Variants in TAX1BP1 observed in about 807,000 individuals in gnomAD.
The protein encoded by TAX1BP1 is tax1-binding protein 1.
Under a neutral mutation model 97.7 loss-of-function variants are expected in TAX1BP1, and 62 were observed. That is an observed-to-expected ratio of 0.63 (90% confidence interval 0.52 to 0.78). The LOEUF is 0.78. Ranked by LOEUF, TAX1BP1 falls within the 30% of genes least tolerant of loss-of-function variation. TAX1BP1 has a pLI of 0.00. For missense variants in TAX1BP1, 867 were observed against 916.1 expected (o/e 0.95, Z 0.69); for synonymous variants, 340 against 304.2 (o/e 1.12, Z -1.23).
intron 5 of TAX1BP1, among the ~76,000 whole-genome samples, chr7:27,781,004 C>G (rs1024801277): frequency 1.3e-5 from 2 of 151,778 alleles, no homozygotes; most frequent in Non-Finnish European, 2.9e-5. Flanking sequence ...TACTTATTCC[C>G]TAACTCTTTA....
At chr7:27,821,266 A>T (rs978729336) in intron 15 of TAX1BP1, among the ~76,000 whole-genome samples, 1 of 152,224 alleles carries the variant, frequency 6.6e-6, no homozygotes, top group African/African-American at 2.4e-5. Flanking sequence ...AAATGTTATT[A>T]ATGAGTTTAA....
intron 3 of TAX1BP1, among the ~76,000 whole-genome samples, chr7:27,764,992 G>T (rs1214553019): frequency 1.3e-3 from 2 of 1,542 alleles, no homozygotes; most frequent in Middle Eastern, 0.25. Context: ...CTTATAGATT[G>T]TCTGCCTCTC....
intron 2 of TAX1BP1, among the ~76,000 whole-genome samples, chr7:27,751,654 A>G (rs974706079): frequency 6.6e-6 from 1 of 152,046 alleles, no homozygotes; most frequent in Non-Finnish European, 1.5e-5. Flanking sequence ...TGTACTGCAA[A>G]TTGCCCTCTA....
At chr7:27,794,244 A>G in intron 10 of TAX1BP1, 79 bp from the exon 11 acceptor site, 2 of 1,237,624 alleles carry the variant, frequency 1.6e-6, no homozygotes, top group Non-Finnish European at 2.2e-6. Context: ...ATGTAAAAAT[A>G]TTATTTACTT....
intron 5 of TAX1BP1, among the ~76,000 whole-genome samples, chr7:27,781,720 A>AT (rs560696903): frequency 0.017 from 2,469 of 148,456 alleles, 73 homozygotes; most frequent in African/African-American, 0.056. Flanking sequence ...TAATTAATTA[A>AT]TTTTTTTTTT....
chr7:27,786,254 C>G (rs1789476627), intron 7 of TAX1BP1, among the ~76,000 whole-genome samples: 1 of 151,828 alleles, frequency 6.6e-6, no homozygotes, highest in Admixed American at 6.6e-5. Context: ...GCCTCAGCCT[C>G]CCGAGGACCT....
intron 13 of TAX1BP1, among the ~76,000 whole-genome samples, chr7:27,814,834 CA>C (rs1197053801): frequency 6.6e-6 from 1 of 151,968 alleles, no homozygotes; most frequent in East Asian, 1.9e-4. Context: ...CTCCCAGGTT[CA>C]AGCAATTCTT....
At position 27,787,429 on chromosome 7, in the gene TAX1BP1, G is replaced by A. The variant is rs1335111573; in HGVS notation, c.864G>A (p.Lys288=). The change falls in exon 8 of 17, where the codon AAG becomes AAA. Residue 288 remains lysine (K), a synonymous_variant. Transcript: ENST00000396319. ...AAACACCATTACAGGTACATTTGAAGAATACAGAAATAGAAAATACCAAGC... is the reference window on the plus strand; with the variant it reads ...AAACACCATTACAGGTACATTTGAAAAATACAGAAATAGAAAATACCAAGC... ...DEKELYKVHL[K]NTEIENTKLM... The A allele has an allele frequency of 1.2e-6, 2 of 1,605,758 alleles. No individual in the cohort carries two copies. The highest frequency in any genetic ancestry group is 1.7e-6 in the Non-Finnish European group (2 of 1,177,244).
intron 2 of TAX1BP1, among the ~76,000 whole-genome samples, chr7:27,754,157 A>T (rs2128308374): frequency 6.6e-6 from 1 of 152,286 alleles, no homozygotes; most frequent in South Asian, 2.1e-4. Context: ...GCTGTCAAGC[A>T]CATCAAAAAC....
At chr7:27,750,929 G>A (rs1428525883) in intron 2 of TAX1BP1, among the ~76,000 whole-genome samples, 1 of 152,022 alleles carries the variant, frequency 6.6e-6, no homozygotes, top group Non-Finnish European at 1.5e-5. Context: ...TCTAACCTTT[G>A]TTTTTTAACT....
intron 5 of TAX1BP1, chr7:27,772,149 T>C (rs1012863688): frequency 3.3e-5 from 3 of 90,752 alleles, no homozygotes; most frequent in African/African-American, 1.1e-4. Flanking sequence ...CAATGGACTT[T>C]TAGTTTTTTT....
At chr7:27,804,720 T>G (rs1378786955) in intron 13 of TAX1BP1, among the ~76,000 whole-genome samples, 1 of 152,260 alleles carries the variant, frequency 6.6e-6, no homozygotes, top group Non-Finnish European at 1.5e-5. Context: ...TGTGGCATCA[T>G]GTCAGTGCTC....
chr7:27,792,808 C>T (rs942988880), intron 9 of TAX1BP1, among the ~76,000 whole-genome samples: 6 of 151,752 alleles, frequency 4.0e-5, no homozygotes, highest in Non-Finnish European at 7.4e-5. Flanking sequence ...CAAAAATTTT[C>T]AAAAATTACC....
At chr7:27,828,367 T>G (rs1246899395) in intron 16 of TAX1BP1, among the ~76,000 whole-genome samples, 1 of 152,196 alleles carries the variant, frequency 6.6e-6, no homozygotes, top group Admixed American at 6.5e-5. Context: ...TAATTGTGAT[T>G]GGATTTGGGA....
rs559019179 is a variant in TAX1BP1, at chr7:27,774,156, A to T, written c.612+4322A>T. On this transcript the variant is annotated intron_variant, in intron 5 of 16. Coordinates refer to ENST00000396319, the MANE Select transcript of TAX1BP1 (RefSeq NM_006024.7). ...AGTATCATAGGTATGGGAGTGAGAG[A>T]ATGTGCAAGATCTCTTCTCTGGTTA... Among the ~76,000 whole-genome samples, 12 of 152,226 alleles carry T rather than the reference A, an allele frequency of 7.9e-5. No homozygotes were observed. In the South Asian group the frequency reaches 2.5e-3, roughly 32 times the overall value.
intron 13 of TAX1BP1, among the ~76,000 whole-genome samples, chr7:27,808,156 C>T (rs1790412980): frequency 6.6e-6 from 1 of 152,176 alleles, no homozygotes; most frequent in Admixed American, 6.6e-5. Context: ...GGTGTACCCT[C>T]ATTGATTCAA....
intron 11 of TAX1BP1, 28 bp downstream of exon 11, chr7:27,794,474 G>A (rs974754650): frequency 1.9e-6 from 3 of 1,576,878 alleles, no homozygotes; most frequent in Non-Finnish European, 2.6e-6. Flanking sequence ...TTTTTGTGTA[G>A]GGTGTCCTAC....
In TAX1BP1 at chr7:27,764,053, G is replaced by T. The variant is rs578093058; in HGVS notation, c.266-1781G>T. Among the ~76,000 whole-genome samples, 250 of 152,296 alleles carry T rather than the reference G, an allele frequency of 1.6e-3. 1 individual carries two copies. The highest frequency in any genetic ancestry group is 5.5e-3 in the African/African-American group (229 of 41,560). On this transcript the variant is annotated intron_variant, in intron 3 of 16. Transcript: ENST00000396319. ...GATGTAAAGAAAACTTGCAAAAGTA[G>T]TACACAGAATTTCTGTATGCCCTTT...
intron 10 of TAX1BP1, among the ~76,000 whole-genome samples, chr7:27,793,952 A>G (rs1789816991): frequency 6.6e-6 from 1 of 152,222 alleles, no homozygotes; most frequent in South Asian, 2.1e-4. Context: ...CATGTAGTAA[A>G]GTAGGAAGGC....
Sources: gnomAD v4.1 joint callset for allele counts (sites outside exome capture counted in the v4.1 genomes callset) on GRCh38, gnomAD v4.1.1 for gene constraint, MANE v1.5 for transcripts, NCBI Gene and HGNC (gene_info 2026-07-23, HGNC 2026-07-21) for gene names.